The following KLF13 variants were observed in gnomAD, a reference collection of about 807,000 sequenced individuals.
KLF13 encodes Krueppel-like factor 13.
Under a neutral mutation model 16.7 loss-of-function variants are expected in KLF13, and 8 were observed. That is an observed-to-expected ratio of 0.48 (90% confidence interval 0.28 to 0.87). The LOEUF is 0.87. KLF13 is among the 40% of genes least tolerant of loss of function. KLF13 has a pLI of 0.10. For synonymous variants in KLF13, 245 were observed against 208.4 expected (o/e 1.18, Z -1.51); for missense variants, 447 against 452.2 (o/e 0.99, Z 0.10).
At chr15:31,328,306 C>T (rs1199666080) in intron 1 of KLF13, among the ~76,000 whole-genome samples, 1 of 151,894 alleles carries the variant, frequency 6.6e-6, no homozygotes, top group Non-Finnish European at 1.5e-5. Context: ...ACAAGGTTTC[C>T]TTCGCCACTC....
intron 1 of KLF13, among the ~76,000 whole-genome samples, chr15:31,433,033 G>A (rs959118980): frequency 6.6e-6 from 1 of 152,210 alleles, no homozygotes; most frequent in African/African-American, 2.4e-5. Flanking sequence ...GACAGAGCGA[G>A]ACTCTGCCTC....
chr15:31,423,826 G>A, intron 1 of KLF13, among the ~76,000 whole-genome samples: 1 of 152,114 alleles, frequency 6.6e-6, no homozygotes, highest in Admixed American at 6.5e-5. Context: ...TTCTGATTTT[G>A]TTGGAATAAA....
chr15:31,357,635 T>C (rs1052737994), intron 1 of KLF13, among the ~76,000 whole-genome samples: 4 of 152,200 alleles, frequency 2.6e-5, no homozygotes, highest in African/African-American at 9.7e-5. Flanking sequence ...GCTGCCCTAC[T>C]CTGAGCTGGG....
intron 1 of KLF13, among the ~76,000 whole-genome samples, chr15:31,431,427 G>A (rs2040470073): frequency 1.3e-5 from 2 of 152,168 alleles, no homozygotes. Flanking sequence ...TGGATTTTAT[G>A]CTGCAGCAAA....
Position 31,423,155 on chromosome 15 carries a change from G to GTATATATATATATA in KLF13, n.118-12206_118-12205insATATATATATATAT, listed in dbSNP as rs772171653. Among the ~76,000 whole-genome samples, 2 of 110,096 alleles carry GTATATATATATATA rather than the reference G, an allele frequency of 1.8e-5. 1 individual carries two copies. Among genetic ancestry groups the GTATATATATATATA allele is most frequent in the African/African-American group, 9.5e-5 (2 of 20,950 alleles). The allele number at this position is 110,096 out of a possible 152,430, so 72.2% of individuals were successfully genotyped here. On this transcript the variant is annotated intron_variant and non_coding_transcript_variant, in intron 1 of 1. Coordinates refer to the KLF13 transcript ENST00000558225. ...TACGTATACGTATACGTATATATACGTATATATATGTATATATATACATAT... is the reference window on the plus strand; with the variant it reads ...TACGTATACGTATACGTATATATACGTATATATATATATATATATATATGTATATATATACATAT...
chr15:31,394,267 G>C (rs997976932), intron 2 of KLF13, among the ~76,000 whole-genome samples: 6 of 152,060 alleles, frequency 3.9e-5, no homozygotes, highest in Non-Finnish European at 8.8e-5. Flanking sequence ...ACGAGGTCAG[G>C]AGATCGAGAC....
chr15:31,414,864 A>G (rs1243566333), intron 1 of KLF13, among the ~76,000 whole-genome samples: 1 of 152,190 alleles, frequency 6.6e-6, no homozygotes, highest in Non-Finnish European at 1.5e-5. Flanking sequence ...ACAACTATAG[A>G]ACATGCTATG....
chr15:31,399,008 GT>G (rs1170817259), intron 2 of KLF13, among the ~76,000 whole-genome samples: 9 of 152,208 alleles, frequency 5.9e-5, no homozygotes, highest in African/African-American at 2.2e-4. Context: ...CCCTGGCAGA[GT>G]GCGAGCCCCT....
At chr15:31,383,765 G>A (rs780862180) in intron 1 of KLF13, among the ~76,000 whole-genome samples, 8 of 152,180 alleles carry the variant, frequency 5.3e-5, no homozygotes, top group East Asian at 1.9e-4. Flanking sequence ...AGCTGGGCGT[G>A]GTGGTGGGCG....
chr15:31,327,095 A>C lies in KLF13; in HGVS notation c.-118A>C. On this transcript the variant is annotated 5_prime_UTR_variant, in exon 1 of 2. Coordinates refer to ENST00000307145, the MANE Select transcript of KLF13 (RefSeq NM_015995.4). ...CTGCGCGCCCAGCCCAGCCCAGCCC[A>C]GCCCGAGGAGAGGGCGCGCCGCGCC... 47 of 606,866 alleles carry C rather than the reference A, an allele frequency of 7.7e-5. No homozygotes were observed. The highest frequency in any genetic ancestry group is 6.7e-4 in the Middle Eastern group (1 of 1,494). The allele number at this position is 606,866 out of a possible 1,614,324, so 37.6% of individuals were successfully genotyped here.
At position 31,359,017 on chromosome 15, in the gene KLF13, C is replaced by T. The variant is rs111635443; in HGVS notation, c.578-12993C>T. Among the ~76,000 whole-genome samples the T allele has an allele frequency of 8.2e-3, 1,248 of 152,300 alleles. 12 individuals are homozygous for T. Among genetic ancestry groups the T allele is most frequent in the Non-Finnish European group, 0.012 (850 of 68,020 alleles). ...CTGGGAGGCAGCTAGTGATGAGGGT[C>T]TCACAATGGAAAGGAAATGGAAATG... On this transcript the variant is annotated intron_variant, in intron 1 of 1. Coordinates refer to ENST00000307145, the MANE Select transcript of KLF13 (RefSeq NM_015995.4).
chr15:31,420,656 C>A, intron 1 of KLF13: 1 of 377,666 alleles, frequency 2.6e-6, no homozygotes, highest in Non-Finnish European at 5.0e-6. Flanking sequence ...AGCCAGGACC[C>A]CTGACCCAGG....
chr15:31,426,618 G>A (rs1054539514), intron 1 of KLF13, among the ~76,000 whole-genome samples: 19 of 152,196 alleles, frequency 1.2e-4, no homozygotes, highest in Admixed American at 3.9e-4. Flanking sequence ...CAATAAAAAC[G>A]CATAACCTGA....
At chr15:31,383,179 T>TG (rs1385424352) in intron 1 of KLF13, among the ~76,000 whole-genome samples, 1 of 152,256 alleles carries the variant, frequency 6.6e-6, no homozygotes, top group Non-Finnish European at 1.5e-5. Context: ...TGAACACAGC[T>TG]GCTCCCTGTC....
chr15:31,411,389 A>AT (rs1200797507), intron 1 of KLF13, among the ~76,000 whole-genome samples: 18 of 141,966 alleles, frequency 1.3e-4, no homozygotes, highest in East Asian at 6.1e-4. Context: ...ATACCAACAC[A>AT]TTTTTTTTTT....
chr15:31,406,222 A>G (rs375884145), downstream of KLF13, among the ~76,000 whole-genome samples: 2 of 152,322 alleles, frequency 1.3e-5, no homozygotes, highest in Admixed American at 6.5e-5. Context: ...GCTTACACCT[A>G]TAATAGCACT....
Position 31,327,724 on chromosome 15 carries a change from A to G in KLF13, c.512A>G (p.Tyr171Cys). The change falls in exon 1 of 2, where the codon TAC becomes TGC. Residue 171 changes from tyrosine to cysteine, a missense_variant. Tyr to Cys is a radical substitution (Grantham distance 194). Coordinates refer to ENST00000307145, the MANE Select transcript of KLF13 (RefSeq NM_015995.4). ...ESPQRKHKCHYAGCEKVYGKS... is the reference protein window; with the variant it reads ...ESPQRKHKCHCAGCEKVYGKS... ...CCGCAGAGGAAGCACAAGTGCCACT[A>G]CGCGGGCTGCGAGAAAGTTTACGGG... is the stretch of plus-strand genomic sequence containing the variant. The G allele has an allele frequency of 6.5e-7, 1 of 1,536,722 alleles. No individual in the cohort carries two copies. Among genetic ancestry groups the G allele is most frequent in the Non-Finnish European group, 8.8e-7 (1 of 1,137,536 alleles).
rs56323816 is a variant in KLF13, at chr15:31,333,955, G to T, written c.577+6166G>T. Among the ~76,000 whole-genome samples, 458 of 152,164 alleles carry T rather than the reference G, an allele frequency of 3.0e-3. 2 individuals carry two copies. Among genetic ancestry groups the T allele is most frequent in the African/African-American group, 1.0e-2 (413 of 41,490 alleles). On this transcript the variant is annotated intron_variant, in intron 1 of 1. Coordinates refer to ENST00000307145, the MANE Select transcript of KLF13 (RefSeq NM_015995.4). ...ACTGGGCACTTCCATCGCCTCATGGGGGGGGGAGGGCATGGGATATTAGCC... is the reference window on the plus strand; with the variant it reads ...ACTGGGCACTTCCATCGCCTCATGGTGGGGGGAGGGCATGGGATATTAGCC...
At chr15:31,390,664 G>A (rs1037160751), upstream of KLF13, among the ~76,000 whole-genome samples, 1 of 152,096 alleles carries the variant, frequency 6.6e-6, no homozygotes, top group Non-Finnish European at 1.5e-5. Flanking sequence ...TGTCTCCTTA[G>A]GTCTGTTCCT....
Sources: gnomAD v4.1 joint callset for allele counts (sites outside exome capture counted in the v4.1 genomes callset) on GRCh38, gnomAD v4.1.1 for gene constraint, MANE v1.5 for transcripts, NCBI Gene and HGNC (gene_info 2026-07-23, HGNC 2026-07-21) for gene names.